The following DEDD2 variants were observed in gnomAD, a reference collection of about 807,000 sequenced individuals.
The protein encoded by DEDD2 is death effector domain containing 2.
A neutral mutation model predicts 28.9 loss-of-function variants in DEDD2; 18 were observed. The ratio of observed to expected loss-of-function variants is 0.62; its 90% CI spans 0.43 to 0.92. The LOEUF is 0.92. Among genes scored for constraint, DEDD2 ranks in the 40% least tolerant of loss-of-function variants. DEDD2 has a pLI of 0.00. For missense variants in DEDD2, 411 were observed against 463.3 expected, an observed-to-expected ratio of 0.89 and a Z score of 1.04; for synonymous variants, 211 against 206.1, an observed-to-expected ratio of 1.02 and a Z score of -0.20.
rs370765418 is a variant in DEDD2, at chr19:42,215,211, T to C, written c.370A>G (p.Lys124Glu). Reference protein sequence around the residue: ...RYSYGTSSSSKRTEGSCRRRR... With the variant: ...RYSYGTSSSSERTEGSCRRRR... ...CGACGGCAGCTACCCTCTGTCCTCT[T>C]TGAAGAGCTGGAGGTGCCATAGCTA... Residue 124 changes from lysine (K) to glutamate (E), a missense_variant, in exon 3 of 5, where the codon AAG becomes GAG. This residue lies in a region of DEDD2 where 282 missense variants were observed against 273.4 expected (regional missense o/e 1.03). Coordinates refer to ENST00000596251, the MANE Select transcript of DEDD2 (RefSeq NM_133328.4). 2.2e-5 allele frequency: 36 copies of C among 1,613,838 alleles called. No homozygotes were observed. Among genetic ancestry groups the C allele is most frequent in the Admixed American group, 6.7e-5 (4 of 59,956 alleles).
chr19:42,204,521 C>A, intron 4 of DEDD2: 1 of 154,696 alleles, frequency 6.5e-6, no homozygotes, highest in South Asian at 2.0e-4. Flanking sequence ...CGGAGGTCCT[C>A]AACAGAAGCA....
intron 4 of DEDD2, 126 bp downstream of exon 4, chr19:42,209,574 T>C: frequency 7.5e-7 from 1 of 1,337,798 alleles, no homozygotes; most frequent in Non-Finnish European, 1.0e-6. Flanking sequence ...AATTCCACTG[T>C]GGTGAACGAG....
chr19:42,216,531 T>A lies in DEDD2; in HGVS notation c.328+149A>T. 3 of 854,708 alleles carry A rather than the reference T, an allele frequency of 3.5e-6. No homozygotes were observed. In the South Asian group the frequency reaches 5.7e-5, roughly 16 times the overall value. The allele number at this position is 854,708 out of a possible 1,614,324, so 52.9% of individuals were successfully genotyped here. A position where few individuals can be genotyped will look rare whatever the true frequency, so the allele number is the denominator to read the frequency against. On this transcript the variant is annotated intron_variant, in intron 2 of 4. Coordinates refer to ENST00000596251, the MANE Select transcript of DEDD2 (RefSeq NM_133328.4). ...AAAGCCATGCTTTCTTCCTCTTATG[T>A]TGCTCATTGATATTGTGGGAAGAGA...
chr19:42,213,475 T>C (rs2035844881), intron 3 of DEDD2, among the ~76,000 whole-genome samples: 1 of 152,120 alleles, frequency 6.6e-6, no homozygotes. Context: ...AGATATCCCC[T>C]TAACCAAGTG....
At chr19:42,205,641 T>C (rs2035504413) in intron 4 of DEDD2, among the ~76,000 whole-genome samples, 1 of 151,002 alleles carries the variant, frequency 6.6e-6, no homozygotes, top group Non-Finnish European at 1.5e-5. Flanking sequence ...AAAAAAAATC[T>C]CTTTTCAAGA....
intron 1 of DEDD2, among the ~76,000 whole-genome samples, chr19:42,217,379 C>T (rs2036025412): frequency 6.6e-6 from 1 of 152,182 alleles, no homozygotes; most frequent in South Asian, 2.1e-4. Context: ...TAGGACTGCC[C>T]AGACGAGCCC....
intron 4 of DEDD2, among the ~76,000 whole-genome samples, chr19:42,205,118 A>T (rs2035479163): frequency 6.6e-6 from 1 of 152,192 alleles, no homozygotes; most frequent in African/African-American, 2.4e-5. Context: ...GAACACACTG[A>T]ATCAACCCTA....
chr19:42,199,182 GC>G lies in DEDD2; in HGVS notation c.*255del. On this transcript the variant is annotated 3_prime_UTR_variant, in exon 5 of 5. Coordinates refer to ENST00000596251, the MANE Select transcript of DEDD2 (RefSeq NM_133328.4). The surrounding 1 kb of genome is among the most constrained non-coding windows in gnomAD (Gnocchi z 7.4). ...TGTGCCCCTCCCTTCTGAGATACAG[GC>G]CCAGCCCCCGCCTCCGGAGGCTAAG... is the stretch of plus-strand genomic sequence containing the variant. 1 of 552,888 alleles carries G rather than the reference GC, an allele frequency of 1.8e-6. No individual in the cohort carries two copies. The highest frequency in any genetic ancestry group is 3.2e-6 in the Non-Finnish European group (1 of 315,686). 34.2% of individuals were successfully genotyped at this position (552,888 alleles called of 1,614,324 possible).
chr19:42,209,917 T>C lies in DEDD2; in HGVS notation c.449-77A>G. 2.8e-6 allele frequency: 4 copies of C among 1,446,812 alleles called. No individual in the cohort carries two copies. In the East Asian group the frequency reaches 1.1e-4, roughly 38 times the overall value. The allele number at this position is 1,446,812 out of a possible 1,614,324, so 89.6% of individuals were successfully genotyped here. ...CCCAGGTGTATGCCTGGAAAAGAAC[T>C]CAAGGTGTTCTCGGTGCTGAGACCC... On this transcript the variant is annotated intron_variant, in intron 3 of 4. Coordinates refer to ENST00000596251, the MANE Select transcript of DEDD2 (RefSeq NM_133328.4).
intron 3 of DEDD2, among the ~76,000 whole-genome samples, chr19:42,211,734 T>C (rs1205117737): frequency 6.6e-6 from 1 of 152,170 alleles, no homozygotes; most frequent in African/African-American, 2.4e-5. Context: ...GAAAGACTTT[T>C]AGTATAAAAA....
intron 4 of DEDD2, among the ~76,000 whole-genome samples, chr19:42,206,551 T>C (rs972774347): frequency 6.6e-6 from 1 of 152,232 alleles, no homozygotes; most frequent in Non-Finnish European, 1.5e-5. Flanking sequence ...CGCCTTTCCC[T>C]GATCGTGCCT....
At position 42,199,314 on chromosome 19, in the gene DEDD2, T is replaced by C; in HGVS notation, c.*124A>G. 1.5e-6 allele frequency: 2 copies of C among 1,363,530 alleles called. No individual in the cohort carries two copies. The highest frequency in any genetic ancestry group is 3.0e-5 in the South Asian group (2 of 65,676). 84.5% of individuals were successfully genotyped at this position (1,363,530 alleles called of 1,614,324 possible). On this transcript the variant is annotated 3_prime_UTR_variant, in exon 5 of 5. Transcript: ENST00000596251. The surrounding 1 kb of genome is among the most constrained non-coding windows in gnomAD (Gnocchi z 7.4). ...GGAGGGGCTGTCAAGGGGCCTGCTG[T>C]CCCGGTCCTGTCGCAGTCCTCAAAG...
intron 4 of DEDD2, among the ~76,000 whole-genome samples, chr19:42,205,520 G>C (rs370944403): frequency 6.6e-6 from 1 of 152,126 alleles, no homozygotes; most frequent in East Asian, 1.9e-4. Flanking sequence ...CTAGCTACTC[G>C]GGAGGCTGAG....
intron 3 of DEDD2, among the ~76,000 whole-genome samples, chr19:42,211,427 CGGAG>C (rs368473453): frequency 0.2 from 11,759 of 57,658 alleles, 667 homozygotes; most frequent in Middle Eastern, 0.35. Flanking sequence ...GAGAGAGGGA[CGGAG>C]GGAGGGAGGG....
chr19:42,201,836 C>A (rs1244270433), intron 4 of DEDD2: 1 of 395,582 alleles, frequency 2.5e-6, no homozygotes, highest in African/African-American at 2.1e-5. Flanking sequence ...ACGACCAGAT[C>A]CTTGACTGCA....
chr19:42,199,368 G>C lies in DEDD2; in HGVS notation c.*70C>G. ...CTAGAGTGACAGTCCTCTAGGGGTA[G>C]AGATGGTCGTCCTCCCAGGAGAAGG... On this transcript the variant is annotated 3_prime_UTR_variant, in exon 5 of 5. Coordinates refer to ENST00000596251, the MANE Select transcript of DEDD2 (RefSeq NM_133328.4). This position sits in a 1 kb window ranked among gnomAD's most constrained non-coding sequence, Gnocchi z 7.4. 1 of 1,469,760 alleles carries C rather than the reference G, an allele frequency of 6.8e-7. No homozygotes were observed. Among genetic ancestry groups the C allele is most frequent in the South Asian group, 1.4e-5 (1 of 72,390 alleles). The allele number at this position is 1,469,760 out of a possible 1,614,324, so 91.0% of individuals were successfully genotyped here.
chr19:42,201,740 C>A (rs1353516778), intron 4 of DEDD2: 4 of 364,056 alleles, frequency 1.1e-5, no homozygotes, highest in Non-Finnish European at 2.0e-5. Flanking sequence ...GGAACCCCAT[C>A]CTCTCCACCC....
Position 42,199,608 on chromosome 19 carries a change from G to A in DEDD2, c.811C>T (p.Leu271=). Residue 271 remains leucine, a synonymous_variant, in exon 5 of 5, where the codon CTG becomes TTG. Transcript: ENST00000596251. This position sits in a 1 kb window ranked among gnomAD's most constrained non-coding sequence, Gnocchi z 7.4. ...AACACGCCCCGCAGGGCCTGCAGCA[G>A]GGCGCCACTCAGGTAGTCGCCCCAG... ...AFWGDYLSGA[L]LQALRGVFLT... 6.2e-7 allele frequency: 1 copy of A among 1,614,138 alleles called. No individual in the cohort carries two copies. The highest frequency in any genetic ancestry group is 8.5e-7 in the Non-Finnish European group (1 of 1,179,996).
intron 3 of DEDD2, among the ~76,000 whole-genome samples, chr19:42,210,327 G>C (rs907479529): frequency 9.2e-5 from 14 of 152,136 alleles, no homozygotes; most frequent in Non-Finnish European, 1.5e-4. Flanking sequence ...TAGAAGCACA[G>C]ACTAGAAATG....
Sources: allele counts gnomAD v4.1 joint callset (sites outside exome capture counted in the v4.1 genomes callset), GRCh38; gene constraint gnomAD v4.1.1; regional missense constraint gnomAD v4.1.1; non-coding constraint Gnocchi (gnomAD v3.1); transcripts MANE v1.5; gene names NCBI Gene and HGNC (gene_info 2026-07-23, HGNC 2026-07-21).